SFPQ: variants seen among roughly 807,000 people sequenced by gnomAD.
The protein encoded by SFPQ is splicing factor, proline- and glutamine-rich.
Under a neutral mutation model 72.9 loss-of-function variants are expected in SFPQ, and 11 were observed. The observed-to-expected ratio is 0.15, with a 90% CI of 0.09 to 0.25. SFPQ has a LOEUF of 0.25. Ranked by LOEUF, SFPQ falls within the 10% of genes least tolerant of loss-of-function variation. SFPQ has a pLI of 1.00. For missense variants in SFPQ, 847 were observed against 993.3 expected, an observed-to-expected ratio of 0.85 and a Z score of 1.98; for synonymous variants, 506 against 367.3, an observed-to-expected ratio of 1.38 and a Z score of -4.32.
rs1220730404 is a variant in SFPQ at position 35,188,925 on chromosome 1, C to T, written c.1697+78G>A. 5 of 1,124,432 alleles carry T rather than the reference C, an allele frequency of 4.4e-6. No individual in the cohort carries two copies. The East Asian group carries it at 1.2e-4, about 28-fold the overall frequency. 69.7% of individuals were successfully genotyped at this position (1,124,432 alleles called of 1,614,324 possible). A position where few individuals can be genotyped will look rare whatever the true frequency, so the allele number is the denominator to read the frequency against. ...GTGGTGAGCTGAGACTGCACCACTG[C>T]ACTCCAGCCCGGGCAACAGAATGAT... is the stretch of plus-strand genomic sequence containing the variant. On this transcript the variant is annotated intron_variant, in intron 6 of 9. Coordinates refer to ENST00000357214, the MANE Select transcript of SFPQ (RefSeq NM_005066.3).
intron 1 of SFPQ, among the ~76,000 whole-genome samples, 172 bp from the exon 2 acceptor site, chr1:35,191,701 A>G (rs1640007156): frequency 6.6e-6 from 1 of 152,240 alleles, no homozygotes; most frequent in Non-Finnish European, 1.5e-5. Flanking sequence ...ACATTGAAAA[A>G]GGAGCCCCAT....
chr1:35,189,330 A>G lies in SFPQ; in HGVS notation c.1468T>C (p.Tyr490His), dbSNP rs760858365. Residue 490 changes from tyrosine to histidine, a missense_variant, in exon 5 of 10, where the codon TAT (tyrosine) becomes CAT (histidine). Physicochemically the swap from Tyr to His is moderately conservative, Grantham distance 83 (BLOSUM62 2). Around this residue, in one of 6 missense-constraint regions of SFPQ, gnomAD observed 132 missense variants for 255.4 expected, o/e 0.52. Coordinates refer to ENST00000357214, the MANE Select transcript of SFPQ (RefSeq NM_005066.3). ...FAQHGTFEYE[Y>H]SQRWKSLDEM... ...TCCAAAGACTTCCATCGCTGAGAATATTCGTACTCAAACGTGCCATGCTGG... is the reference window on the plus strand; with the variant it reads ...TCCAAAGACTTCCATCGCTGAGAATGTTCGTACTCAAACGTGCCATGCTGG... 1 of 1,614,050 alleles carries G rather than the reference A, an allele frequency of 6.2e-7. No individual in the cohort carries two copies. The highest frequency in any genetic ancestry group is 8.5e-7 in the Non-Finnish European group (1 of 1,180,002).
At chr1:35,191,156 CCT>C (rs954519999) in intron 2 of SFPQ, among the ~76,000 whole-genome samples, 161 bp from the exon 3 acceptor site, 4 of 152,176 alleles carry the variant, frequency 2.6e-5, no homozygotes, top group Non-Finnish European at 4.4e-5. Context: ...CCACCCCACC[CCT>C]CTTTTCTCTT....
Position 35,190,894 on chromosome 1 carries a change from A to G in SFPQ, c.1119T>C (p.Leu373=). Residue 373 remains leucine (L), a synonymous_variant, in exon 3 of 10, where the codon CTT becomes CTC. Transcript: ENST00000357214. ...RVRFATHAAA[L]SVRNLSPYVS... The stretch of plus-strand genomic sequence containing the variant: ...CATAAGGTGAAAGATTACGAACAGA[A>G]AGGGCAGCAGCATGTGTGGCAAAGC... 6.2e-7 allele frequency: 1 copy of G among 1,614,216 alleles called. No individual in the cohort carries two copies. The highest frequency in any genetic ancestry group is 8.5e-7 in the Non-Finnish European group (1 of 1,180,046).
chr1:35,178,546 G>C (rs1301152575), downstream of SFPQ: 2 of 1,060,614 alleles, frequency 1.9e-6, no homozygotes, highest in Non-Finnish European at 2.3e-6. Flanking sequence ...GCAATCCTTT[G>C]TATTTACCTC....
At chr1:35,178,998 A>G (rs910743251), downstream of SFPQ, 1 of 1,057,572 alleles carries the variant, frequency 9.5e-7, no homozygotes, top group Admixed American at 5.4e-5. Flanking sequence ...AAAATTGCCA[A>G]TCATTATCTA....
rs1278405577 is a variant in SFPQ at position 35,192,793 on chromosome 1, T to C, written c.257A>G (p.Gln86Arg). 6.7e-7 allele frequency: 1 copy of C among 1,500,842 alleles called. No homozygotes were observed. The highest frequency in any genetic ancestry group is 1.2e-5 in the South Asian group (1 of 80,220). 93.0% of individuals were successfully genotyped at this position (1,500,842 alleles called of 1,614,324 possible). A position where few individuals can be genotyped will look rare whatever the true frequency, so the allele number is the denominator to read the frequency against. Residue 86 changes from glutamine (Q) to arginine (R), a missense_variant, in exon 1 of 10, where the codon CAG becomes CGG. Physicochemically the swap from Gln to Arg is conservative, Grantham distance 43 (BLOSUM62 1). This residue lies in a region of SFPQ where 498 missense variants were observed against 405.1 expected (regional missense o/e 1.23). Coordinates refer to ENST00000357214, the MANE Select transcript of SFPQ (RefSeq NM_005066.3). Reference sequence around the variant, plus strand: ...ATGCGGCTGTGGATGCGGCGGCGGCTGATGCGGTGGCGGCTGCTGCGGCGG... The same window carrying C: ...ATGCGGCTGTGGATGCGGCGGCGGCCGATGCGGTGGCGGCTGCTGCGGCGG... ...QPPPQQPPPH[Q>R]PPPHPQPHQQ...
Position 35,193,008 on chromosome 1 carries a change from A to ACCACCG in SFPQ, c.36_41dup (p.Gly14_Gly15dup), listed in dbSNP as rs770725885. On this transcript the variant is annotated inframe_insertion, in exon 1 of 10. Coordinates refer to ENST00000357214, the MANE Select transcript of SFPQ (RefSeq NM_005066.3). The stretch of plus-strand genomic sequence containing the variant: ...CGCCTCCTCCACGCCTGTGGAAGCC[A>ACCACCG]CCACCGCCACCGCCACGACTCCGGA... 23 of 1,556,242 alleles carry ACCACCG rather than the reference A, an allele frequency of 1.5e-5. No individual in the cohort carries two copies. In the Admixed American group the frequency reaches 2.5e-4, roughly 17 times the overall value.
At position 35,191,431 on chromosome 1, in the gene SFPQ, C is replaced by T. The variant is rs1189406342; in HGVS notation, c.927G>A (p.Thr309=). 1.9e-6 allele frequency: 3 copies of T among 1,613,910 alleles called. No individual in the cohort carries two copies. The highest frequency in any genetic ancestry group is 2.5e-6 in the Non-Finnish European group (3 of 1,179,896). ...LFVGNLPADI[T]EDEFKRLFAK... ...CAAATAGTCTTTTGAATTCATCCTC[C>T]GTGATATCAGCAGGTAGATTCCCAA... The change falls in exon 2 of 10, where the codon ACG becomes ACA. Residue 309 remains threonine (T), a synonymous_variant. Coordinates refer to ENST00000357214, the MANE Select transcript of SFPQ (RefSeq NM_005066.3).
At chr1:35,181,638 C>G, downstream of SFPQ, 1 of 1,060,562 alleles carries the variant, frequency 9.4e-7, no homozygotes. Flanking sequence ...TAAAAAACAA[C>G]CAGTGTTCCT....
rs551518633 is a variant in SFPQ, at chr1:35,192,771, C to T, written c.279G>A (p.Pro93=). 2 of 1,500,304 alleles carry T rather than the reference C, an allele frequency of 1.3e-6. No individual in the cohort carries two copies. Among genetic ancestry groups the T allele is most frequent in the South Asian group, 1.2e-5 (1 of 80,338 alleles). 92.9% of individuals were successfully genotyped at this position (1,500,304 alleles called of 1,614,324 possible). A position where few individuals can be genotyped will look rare whatever the true frequency, so the allele number is the denominator to read the frequency against. ...GTGGCGGCGGCTGCTGCTGCTGATG[C>T]GGCTGTGGATGCGGCGGCGGCTGAT... ...PPHQPPPHPQ[P]HQQQQPPPPP... The change falls in exon 1 of 10, where the codon CCG becomes CCA. Residue 93 remains proline (P), a synonymous_variant. Transcript: ENST00000357214.
chr1:35,192,578 T>A lies in SFPQ; in HGVS notation c.472A>T (p.Thr158Ser), dbSNP rs1478458969. ...GPTPTPPPAV[T>S]SAPPGAPPPT... ...GGCGGCGCCCCGGGAGGGGCCGAGG[T>A]GACTGCAGGCGGCGGGGTCGGAGTC... The change falls in exon 1 of 10, where the codon ACC becomes TCC. Residue 158 changes from threonine to serine, a missense_variant. Coordinates refer to ENST00000357214, the MANE Select transcript of SFPQ (RefSeq NM_005066.3). The A allele has an allele frequency of 7.5e-7, 1 of 1,333,636 alleles. No individual in the cohort carries two copies. Among genetic ancestry groups the A allele is most frequent in the Non-Finnish European group, 9.5e-7 (1 of 1,048,616 alleles). The allele number at this position is 1,333,636 out of a possible 1,614,324, so 82.6% of individuals were successfully genotyped here.
intron 9 of SFPQ, among the ~76,000 whole-genome samples, chr1:35,186,083 A>C (rs990402463): frequency 3.3e-5 from 5 of 152,228 alleles, no homozygotes; most frequent in African/African-American, 4.8e-5. Flanking sequence ...AAAAAGTCTT[A>C]GGTAGATTAT....
At chr1:35,178,462 C>T (rs1639336416), downstream of SFPQ, 19 of 1,064,152 alleles carry the variant, frequency 1.8e-5, no homozygotes, top group Admixed American at 1.1e-4. Flanking sequence ...GGCAGGCTGA[C>T]CACCTTCAGC....
chr1:35,184,408 C>T lies in SFPQ; in HGVS notation c.*48G>A, dbSNP rs375041933. The stretch of plus-strand genomic sequence containing the variant: ...ATGCAAGAATTTAAAAGATTGGTAT[C>T]TAAACAAAAAAACAAAACAAACTGG... On this transcript the variant is annotated 3_prime_UTR_variant, in exon 10 of 10. Coordinates refer to ENST00000357214, the MANE Select transcript of SFPQ (RefSeq NM_005066.3). 5 of 1,591,396 alleles carry T rather than the reference C, an allele frequency of 3.1e-6. No homozygotes were observed. The highest frequency in any genetic ancestry group is 1.2e-5 in the South Asian group (1 of 86,246).
At position 35,184,401 on chromosome 1, in the gene SFPQ, TTGG is replaced by T; in HGVS notation, c.*52_*54del. 6.3e-7 allele frequency: 1 copy of T among 1,586,318 alleles called. No homozygotes were observed. The highest frequency in any genetic ancestry group is 8.5e-7 in the Non-Finnish European group (1 of 1,172,172). On this transcript the variant is annotated 3_prime_UTR_variant, in exon 10 of 10. Coordinates refer to ENST00000357214, the MANE Select transcript of SFPQ (RefSeq NM_005066.3). ...TACTAAAATGCAAGAATTTAAAAGA[TTGG>T]TATCTAAACAAAAAAACAAAACAAA...
chr1:35,181,891 T>G, downstream of SFPQ: 1 of 985,304 alleles, frequency 1.0e-6, no homozygotes, highest in Admixed American at 6.1e-5. Flanking sequence ...AGTACATTGC[T>G]GTTTTAGTGA....
At chr1:35,188,202 A>AGGCTTAG (rs1639818666) in intron 6 of SFPQ, 112 bp from the exon 7 acceptor site, 1 of 784,648 alleles carries the variant, frequency 1.3e-6, no homozygotes. Context: ...AAAAACACAA[A>AGGCTTAG]GGCTTAGAGT....
At chr1:35,191,731 T>C (rs1570140177) in intron 1 of SFPQ, among the ~76,000 whole-genome samples, 2 of 152,030 alleles carry the variant, frequency 1.3e-5, no homozygotes, top group South Asian at 2.1e-4. Context: ...TGTTCGAGAA[T>C]AGACACACTT....
Sources: allele counts gnomAD v4.1 joint callset (sites outside exome capture counted in the v4.1 genomes callset), GRCh38; gene constraint gnomAD v4.1.1; regional missense constraint gnomAD v4.1.1; transcripts MANE v1.5; gene names NCBI Gene and HGNC (gene_info 2026-07-23, HGNC 2026-07-21).